HECW2: variants seen among roughly 807,000 people sequenced by gnomAD.
The protein encoded by HECW2 is HECT, C2 and WW domain containing E3 ubiquitin protein ligase 2.
A neutral mutation model predicts 175.2 loss-of-function variants in HECW2; 61 were observed. The ratio of observed to expected loss-of-function variants is 0.35; its 90% CI spans 0.28 to 0.43. The LOEUF is 0.43. Ranked by LOEUF, HECW2 falls within the 20% of genes least tolerant of loss-of-function variation. HECW2 has a pLI of 1.00. For missense variants in HECW2, 1,524 were observed against 2,000.5 expected (o/e 0.76, Z 4.54); for synonymous variants, 671 against 731.0 (o/e 0.92, Z 1.32).
intron 1 of HECW2, among the ~76,000 whole-genome samples, chr2:196,447,845 C>G (rs1696231900): frequency 6.6e-6 from 1 of 152,136 alleles, no homozygotes; most frequent in Admixed American, 6.5e-5. Context: ...ATCACGAGGT[C>G]AGGAGTTCGA....
At chr2:196,583,718 A>C (rs749672071) in intron 1 of HECW2, among the ~76,000 whole-genome samples, 8 of 152,208 alleles carry the variant, frequency 5.3e-5, no homozygotes, top group Non-Finnish European at 1.0e-4. Flanking sequence ...TATATAAATA[A>C]CAACCCTTCA....
chr2:196,449,200 A>G (rs1470483488), intron 1 of HECW2, among the ~76,000 whole-genome samples: 1 of 147,606 alleles, frequency 6.8e-6, no homozygotes, highest in Non-Finnish European at 1.5e-5. Flanking sequence ...ACCCCAGTAC[A>G]TTATGCACAG....
intron 3 of HECW2, among the ~76,000 whole-genome samples, chr2:196,341,199 T>A (rs1402127862): frequency 6.6e-6 from 1 of 150,954 alleles, no homozygotes; most frequent in Non-Finnish European, 1.5e-5. Context: ...CTTCTTCCCA[T>A]GGGTTCACAT....
chr2:196,212,360 C>T (rs1687321486), intron 28 of HECW2, among the ~76,000 whole-genome samples: 1 of 152,066 alleles, frequency 6.6e-6, no homozygotes, highest in Non-Finnish European at 1.5e-5. Context: ...GACCCTCCAC[C>T]CTCCATTAGG....
chr2:196,246,273 C>T (rs1201377728), intron 19 of HECW2, among the ~76,000 whole-genome samples: 1 of 152,194 alleles, frequency 6.6e-6, no homozygotes, highest in Admixed American at 6.5e-5. Context: ...CTAGAAAACC[C>T]AGACAGGGCA....
intron 13 of HECW2, among the ~76,000 whole-genome samples, chr2:196,305,920 GC>G (rs769803972): frequency 6.6e-6 from 1 of 152,068 alleles, no homozygotes; most frequent in Non-Finnish European, 1.5e-5. Flanking sequence ...TCTTCAGTAA[GC>G]CACTCCCTCA....
intron 1 of HECW2, among the ~76,000 whole-genome samples, chr2:196,467,034 G>A (rs986143306): frequency 6.6e-6 from 1 of 152,126 alleles, no homozygotes. Flanking sequence ...TGGTAACCCT[G>A]AACCTCCTGC....
intron 27 of HECW2, among the ~76,000 whole-genome samples, chr2:196,216,764 G>C (rs1374746990): frequency 1.3e-5 from 2 of 152,066 alleles, no homozygotes; most frequent in African/African-American, 4.8e-5. Flanking sequence ...GTTGTTACTG[G>C]GATTCTTGGA....
At chr2:196,304,055 A>C (rs1691169230) in intron 13 of HECW2, among the ~76,000 whole-genome samples, 1 of 152,164 alleles carries the variant, frequency 6.6e-6, no homozygotes, top group Non-Finnish European at 1.5e-5. Context: ...AGCTAGAAGG[A>C]ACTTAAAAAA....
rs1049042135 is a variant in HECW2 at position 196,510,115 on chromosome 2, A to C, written c.-35-76657T>G. On this transcript the variant is annotated intron_variant, in intron 1 of 28. Transcript: ENST00000644978. ...TTACAGGCAGCAATCCCAGCCTAGC[A>C]AGTGCCTCCCCCATCCACTCCCATT... Among the ~76,000 whole-genome samples, 8 of 152,292 alleles carry C rather than the reference A, an allele frequency of 5.3e-5. No individual in the cohort carries two copies. The East Asian group carries it at 1.3e-3, about 26-fold the overall frequency.
chr2:196,376,604 C>G (rs1694057718), intron 2 of HECW2, among the ~76,000 whole-genome samples: 1 of 143,918 alleles, frequency 6.9e-6, no homozygotes, highest in Non-Finnish European at 1.5e-5. Flanking sequence ...CCACTGCACT[C>G]CAGCCTGGGC....
At position 196,555,933 on chromosome 2, in the gene HECW2, C is replaced by A. The variant is rs1689777597; in HGVS notation, c.-36+37575G>T. Among the ~76,000 whole-genome samples, 3 of 152,194 alleles carry A rather than the reference C, an allele frequency of 2.0e-5. 1 individual carries two copies. In the South Asian group the frequency reaches 6.2e-4, roughly 32 times the overall value. On this transcript the variant is annotated intron_variant, in intron 1 of 28. Coordinates refer to ENST00000644978, the MANE Select transcript of HECW2 (RefSeq NM_001348768.2). The stretch of plus-strand genomic sequence containing the variant: ...TTCAGCCACAGTGGCATCTGCCAGG[C>A]CTGAAATGCCTTCCTCCACCACGTC...
At chr2:196,309,772 A>G (rs1454290205) in intron 10 of HECW2, among the ~76,000 whole-genome samples, 1 of 152,198 alleles carries the variant, frequency 6.6e-6, no homozygotes, top group Non-Finnish European at 1.5e-5. Flanking sequence ...CAGGATAAAA[A>G]AATAGAGACC....
intron 15 of HECW2, 26 bp downstream of exon 15, chr2:196,278,502 G>A: frequency 5.0e-6 from 8 of 1,609,300 alleles, no homozygotes; most frequent in Non-Finnish European, 6.8e-6. Flanking sequence ...CAACCAACAG[G>A]TCAGTCCCCA....
intron 1 of HECW2, among the ~76,000 whole-genome samples, chr2:196,460,870 C>T (rs1197205243): frequency 6.7e-6 from 1 of 150,112 alleles, no homozygotes; most frequent in African/African-American, 2.4e-5. Context: ...AGTGATCCTC[C>T]TACCTCGGAC....
At chr2:196,481,591 G>A (rs928757845) in intron 1 of HECW2, among the ~76,000 whole-genome samples, 1 of 152,182 alleles carries the variant, frequency 6.6e-6, no homozygotes, top group African/African-American at 2.4e-5. Flanking sequence ...ACATATTGTG[G>A]CATTCCTCCA....
intron 1 of HECW2, among the ~76,000 whole-genome samples, chr2:196,502,703 G>C (rs1365522501): frequency 1.3e-5 from 2 of 152,066 alleles, no homozygotes; most frequent in African/African-American, 4.8e-5. Flanking sequence ...TGGTTCTAAG[G>C]AACAATAATG....
At chr2:196,231,372 T>TA (rs1186859724) in intron 21 of HECW2, among the ~76,000 whole-genome samples, 1 of 152,208 alleles carries the variant, frequency 6.6e-6, no homozygotes, top group Non-Finnish European at 1.5e-5. Context: ...TAATGCTTGT[T>TA]ACTTCTTACA....
At chr2:196,333,648 A>C (rs1692448021) in intron 4 of HECW2, among the ~76,000 whole-genome samples, 1 of 152,248 alleles carries the variant, frequency 6.6e-6, no homozygotes, top group Admixed American at 6.5e-5. Context: ...GACTCTAAGA[A>C]TCTCCCCAAA....
Sources: allele counts gnomAD v4.1 joint callset (sites outside exome capture counted in the v4.1 genomes callset), GRCh38; gene constraint gnomAD v4.1.1; transcripts MANE v1.5; gene names NCBI Gene and HGNC (gene_info 2026-07-23, HGNC 2026-07-21).